Variants in FNBP1L observed in about 807,000 individuals in gnomAD.
FNBP1L encodes formin binding protein 1 like.
Under a neutral mutation model 91.2 loss-of-function variants are expected in FNBP1L, and 36 were observed. That is an observed-to-expected ratio of 0.39 (90% CI 0.30 to 0.52). The LOEUF (loss-of-function observed/expected upper bound fraction) is 0.52, where lower values mean the gene tolerates loss of function less well. Ranked by LOEUF, FNBP1L falls within the 20% of genes least tolerant of loss-of-function variation. FNBP1L has a pLI of 0.66. For missense variants in FNBP1L, 571 were observed against 732.1 expected, an observed-to-expected ratio of 0.78 and a Z score of 2.54; for synonymous variants, 242 against 237.0, an observed-to-expected ratio of 1.02 and a Z score of -0.19.
chr1:93,503,366 A>G (rs956147447), intron 2 of FNBP1L, among the ~76,000 whole-genome samples: 2 of 152,142 alleles, frequency 1.3e-5, no homozygotes, highest in African/African-American at 2.4e-5. Context: ...CCCATGACAC[A>G]TGGGGATTAT....
intron 1 of FNBP1L, among the ~76,000 whole-genome samples, chr1:93,463,432 A>G (rs191901336): frequency 3.3e-3 from 507 of 152,288 alleles, no homozygotes; most frequent in Non-Finnish European, 5.8e-3. Context: ...TTGTGTTCCA[A>G]TTAACCAGTT....
At chr1:93,516,664 G>A (rs1406786024) in intron 2 of FNBP1L, among the ~76,000 whole-genome samples, 1 of 152,010 alleles carries the variant, frequency 6.6e-6, no homozygotes, top group African/African-American at 2.4e-5. Flanking sequence ...AAATTAGCTG[G>A]GCGTGGTGGT....
intron 1 of FNBP1L, among the ~76,000 whole-genome samples, chr1:93,463,391 A>G (rs1233435271): frequency 6.6e-6 from 1 of 152,110 alleles, no homozygotes; most frequent in Non-Finnish European, 1.5e-5. Context: ...TTGTATATTA[A>G]CCTGTGTATA....
chr1:93,551,752 A>G (rs1220075217), intron 16 of FNBP1L: 7 of 984,916 alleles, frequency 7.1e-6, no homozygotes, highest in African/African-American at 3.5e-5. Flanking sequence ...TCTAGCTCTT[A>G]GGTGAATAAA....
At chr1:93,499,994 G>C (rs1441914206) in intron 2 of FNBP1L, among the ~76,000 whole-genome samples, 3 of 152,112 alleles carry the variant, frequency 2.0e-5, no homozygotes, top group African/African-American at 7.2e-5. Flanking sequence ...GTGCTGAGCT[G>C]AGTTTCTTTC....
chr1:93,502,531 G>C (rs993817373), intron 2 of FNBP1L, among the ~76,000 whole-genome samples: 4 of 152,136 alleles, frequency 2.6e-5, no homozygotes, highest in African/African-American at 9.7e-5. Flanking sequence ...AGACTTGTTT[G>C]CCTTCTCTCT....
intron 10 of FNBP1L, among the ~76,000 whole-genome samples, chr1:93,539,468 A>G (rs1405028988): frequency 6.6e-6 from 1 of 152,024 alleles, no homozygotes; most frequent in Non-Finnish European, 1.5e-5. Context: ...AAATCTAATT[A>G]TCAAATTTCC....
At chr1:93,473,056 G>A (rs1321882001) in intron 1 of FNBP1L, among the ~76,000 whole-genome samples, 4 of 152,004 alleles carry the variant, frequency 2.6e-5, no homozygotes, top group African/African-American at 7.2e-5. Context: ...GTTAGCAAAT[G>A]TATAGGATTT....
In FNBP1L at chr1:93,551,074, C is replaced by T; in HGVS notation, c.1779C>T (p.Tyr593=). The change falls in exon 16 of 17, where the codon TAC becomes TAT. Residue 593 remains tyrosine, a synonymous_variant. Transcript: ENST00000271234. ...NGEEGYVPTS[Y]IDVTLEKNSK... is the part of the protein sequence containing the mutation. ...AAGAAGGCTACGTTCCCACGTCATA[C>T]ATAGATGTAACTCTAGAGAAAAACA... 6.2e-7 allele frequency: 1 copy of T among 1,611,694 alleles called. No individual in the cohort carries two copies. The highest frequency in any genetic ancestry group is 8.5e-7 in the Non-Finnish European group (1 of 1,178,808).
chr1:93,551,712 T>C, intron 16 of FNBP1L: 5 of 984,928 alleles, frequency 5.1e-6, no homozygotes, highest in Non-Finnish European at 6.0e-6. Flanking sequence ...TTAAGTAGAT[T>C]TAAAGAGAGT....
At chr1:93,550,443 TAG>T (rs1336095743) in intron 15 of FNBP1L, among the ~76,000 whole-genome samples, 1 of 152,182 alleles carries the variant, frequency 6.6e-6, no homozygotes, top group South Asian at 2.1e-4. Flanking sequence ...TGGTTGGGGA[TAG>T]AGAGTGAAAG....
chr1:93,511,737 C>CG (rs1447701337), intron 2 of FNBP1L, among the ~76,000 whole-genome samples: 1 of 152,026 alleles, frequency 6.6e-6, no homozygotes, highest in Non-Finnish European at 1.5e-5. Context: ...GAGGCCGAGG[C>CG]GGGCGGATCA....
rs147873445 is a variant in FNBP1L, at chr1:93,458,827, C to T, written c.24+10522C>T. Among the ~76,000 whole-genome samples, 291 of 152,246 alleles carry T rather than the reference C, an allele frequency of 1.9e-3. 3 individuals carry two copies. The highest frequency in any genetic ancestry group is 6.7e-3 in the African/African-American group (280 of 41,536). ...ATTACTATTTATTGTTCTAATTGTT[C>T]TCTTTTATTATTAGTATTGTTGTTA... On this transcript the variant is annotated intron_variant, in intron 1 of 16. Transcript: ENST00000271234.
At position 93,524,332 on chromosome 1, in the gene FNBP1L, T is replaced by C. The variant is rs1671427906; in HGVS notation, c.405+9T>C. 2.0e-6 allele frequency: 3 copies of C among 1,484,956 alleles called. No individual in the cohort carries two copies. Among genetic ancestry groups the C allele is most frequent in the African/African-American group, 1.4e-5 (1 of 69,912 alleles). The allele number at this position is 1,484,956 out of a possible 1,614,324, so 92.0% of individuals were successfully genotyped here. On this transcript the variant is annotated intron_variant, in intron 5 of 16. Coordinates refer to ENST00000271234, the MANE Select transcript of FNBP1L (RefSeq NM_001164473.3). The stretch of plus-strand genomic sequence containing the variant: ...GGAAACAGATGGATAATGTGAGTTA[T>C]GACATTTTCATGGTTAACATAAAAT...
chr1:93,525,132 A>T (rs538962990), intron 5 of FNBP1L, among the ~76,000 whole-genome samples: 123 of 151,542 alleles, frequency 8.1e-4, no homozygotes, highest in African/African-American at 2.9e-3. Context: ...TTGGACCCTC[A>T]AGTTATCGAA....
chr1:93,478,517 A>AG (rs968511789), intron 1 of FNBP1L, among the ~76,000 whole-genome samples: 1 of 152,044 alleles, frequency 6.6e-6, no homozygotes, highest in Non-Finnish European at 1.5e-5. Context: ...CCAGGTGGAG[A>AG]GGGGGGCAGT....
rs980696814 is a variant in FNBP1L, at chr1:93,552,698, A to G, written c.*282A>G. ...CTATTTATTTTATTGCTGTCTAATCAATAAAGAATGCAGAGCTGTCAAAAA... is the reference window on the plus strand; with the variant it reads ...CTATTTATTTTATTGCTGTCTAATCGATAAAGAATGCAGAGCTGTCAAAAA... On this transcript the variant is annotated 3_prime_UTR_variant, in exon 17 of 17. Coordinates refer to ENST00000271234, the MANE Select transcript of FNBP1L (RefSeq NM_001164473.3). The G allele has an allele frequency of 1.5e-5, 5 of 340,538 alleles. No homozygotes were observed. The highest frequency in any genetic ancestry group is 2.1e-5 in the Non-Finnish European group (4 of 190,228). The allele number at this position is 340,538 out of a possible 1,614,324, so 21.1% of individuals were successfully genotyped here. A position where few individuals can be genotyped will look rare whatever the true frequency, so the allele number is the denominator to read the frequency against.
rs1240459482 is a variant in FNBP1L, at chr1:93,448,158, G to C, written c.-124G>C. 1 of 1,259,630 alleles carries C rather than the reference G, an allele frequency of 7.9e-7. No homozygotes were observed. Among genetic ancestry groups the C allele is most frequent in the Non-Finnish European group, 1.1e-6 (1 of 920,038 alleles). 78.0% of individuals were successfully genotyped at this position (1,259,630 alleles called of 1,614,324 possible). On this transcript the variant is annotated 5_prime_UTR_variant, in exon 1 of 17. Coordinates refer to ENST00000271234, the MANE Select transcript of FNBP1L (RefSeq NM_001164473.3). ...ACTCACTGGGGAGCCCGGCGGTGGC[G>C]GCACCTTTCGAGGTAGACCCGCTGA...
chr1:93,507,056 A>AACAC (rs369423210), intron 2 of FNBP1L, among the ~76,000 whole-genome samples: 11 of 35,024 alleles, frequency 3.1e-4, no homozygotes, highest in Admixed American at 4.6e-4. Flanking sequence ...AAAAACATGG[A>AACAC]ACACACACAC....
Sources: allele counts gnomAD v4.1 joint callset (sites outside exome capture counted in the v4.1 genomes callset), GRCh38; gene constraint gnomAD v4.1.1; transcripts MANE v1.5; gene names NCBI Gene and HGNC (gene_info 2026-07-23, HGNC 2026-07-21).